ZNF724: variants seen among roughly 807,000 people sequenced by gnomAD.
The protein encoded by ZNF724 is zinc finger protein 724.
Under a neutral mutation model 29.3 loss-of-function variants are expected in ZNF724, and 14 were observed. That is an observed-to-expected ratio of 0.48 (90% CI 0.32 to 0.75). The LOEUF is 0.75. Ranked by LOEUF, ZNF724 falls within the 30% of genes least tolerant of loss-of-function variation. The pLI, the probability that ZNF724 is intolerant of heterozygous loss-of-function variation, is 0.04. For synonymous variants in ZNF724, 180 were observed against 193.6 expected (o/e 0.93, Z 0.58); for missense variants, 557 against 571.2 (o/e 0.98, Z 0.25).
Position 23,231,257 on chromosome 19 carries a change from C to G in ZNF724, c.226+9G>C, listed in dbSNP as rs752911107. 5.3e-6 allele frequency: 7 copies of G among 1,326,734 alleles called. No homozygotes were observed. Among genetic ancestry groups the G allele is most frequent in the Non-Finnish European group, 7.5e-6 (7 of 931,974 alleles). 82.2% of individuals were successfully genotyped at this position (1,326,734 alleles called of 1,614,324 possible). On this transcript the variant is annotated intron_variant, in intron 3 of 3. Coordinates refer to ENST00000418100, the MANE Select transcript of ZNF724 (RefSeq NM_001355404.2). ...ATCTGTGTCATCTGTCATATTCACT[C>G]TCACCTACCTGGGGGTTTGGCCACC...
intron 3 of ZNF724, among the ~76,000 whole-genome samples, chr19:23,226,798 T>A (rs1225932839): frequency 1.3e-5 from 2 of 152,180 alleles, no homozygotes; most frequent in African/African-American, 4.8e-5. Context: ...ATATATAATC[T>A]GATTGTGATA....
At position 23,239,085 on chromosome 19, in the gene ZNF724, C is replaced by T. The variant is rs762406298; in HGVS notation, c.4-6792G>A. 7.8e-4 allele frequency among the ~76,000 whole-genome samples: 116 copies of T among 149,384 alleles called. 7 individuals are homozygous for T. Among genetic ancestry groups the T allele is most frequent in the African/African-American group, 4.4e-4 (18 of 40,530 alleles). On this transcript the variant is annotated intron_variant, in intron 1 of 3. Transcript: ENST00000418100. ...TGCATATGAATAAAGCAAGTTCTTA[C>T]GGAGAGCTATGAAGAGAGTTGGATT... is the stretch of plus-strand genomic sequence containing the variant.
chr19:23,228,748 A>G (rs56324581), intron 3 of ZNF724, among the ~76,000 whole-genome samples: 71,776 of 151,608 alleles, frequency 0.47, 19,043 homozygotes, highest in East Asian at 0.68. Flanking sequence ...AAAATACAAA[A>G]ATTAGCCAGG....
intron 1 of ZNF724, among the ~76,000 whole-genome samples, chr19:23,239,570 G>A (rs987488124): frequency 6.6e-6 from 1 of 152,122 alleles, no homozygotes; most frequent in African/African-American, 2.4e-5. Context: ...CACAGCCAAG[G>A]CAGTGTTAAG....
intron 1 of ZNF724, among the ~76,000 whole-genome samples, chr19:23,249,773 AT>A: frequency 6.6e-6 from 1 of 152,240 alleles, no homozygotes; most frequent in South Asian, 2.1e-4. Context: ...GCCTCGGGTG[AT>A]CCGCCCGCCT....
chr19:23,224,505 C>G (rs1389574502), intron 3 of ZNF724, among the ~76,000 whole-genome samples: 2 of 152,050 alleles, frequency 1.3e-5, no homozygotes, highest in Non-Finnish European at 2.9e-5. Flanking sequence ...AATACACAGA[C>G]CAAAATACAT....
intron 2 of ZNF724, among the ~76,000 whole-genome samples, chr19:23,231,686 C>T (rs1284276094): frequency 6.6e-6 from 1 of 151,848 alleles, no homozygotes; most frequent in African/African-American, 2.4e-5. Flanking sequence ...CACAATGAAA[C>T]ATCTTGAATT....
chr19:23,232,271 A>G lies in ZNF724; in HGVS notation c.26T>C (p.Val9Ala). The G allele has an allele frequency of 2.4e-6, 3 of 1,257,818 alleles. No homozygotes were observed. Among genetic ancestry groups the G allele is most frequent in the Non-Finnish European group, 3.5e-6 (3 of 855,996 alleles). The allele number at this position is 1,257,818 out of a possible 1,614,324, so 77.9% of individuals were successfully genotyped here. ...CTCCTCCACAGAGAATTCTATGGCC[A>G]CATCCATAAATGTCAATGGTCCCTG... MGPLTFMD[V>A]AIEFSVEEWQ... The change falls in exon 2 of 4, where the codon GTG becomes GCG. Residue 9 changes from valine to alanine, a missense_variant. Coordinates refer to ENST00000418100, the MANE Select transcript of ZNF724 (RefSeq NM_001355404.2).
At chr19:23,228,378 C>T (rs2362802) in intron 3 of ZNF724, among the ~76,000 whole-genome samples, 71,582 of 150,738 alleles carry the variant, frequency 0.47, 18,969 homozygotes, top group East Asian at 0.68. Flanking sequence ...CGAACCCAGC[C>T]GGGAGGCAGA....
rs1282977857 is a variant in ZNF724, at chr19:23,223,007, TTA to T, written c.1236_1237del (p.His412GlnfsTer13). ...GGGTTTCTCTCCGGTATGAATTCTT[TTA>T]TGTGTGGTGAGGTGTGAGGATGTGT... On this transcript the variant is annotated frameshift_variant, in exon 4 of 4. Transcript: ENST00000418100. LOFTEE classifies it high-confidence loss of function. 3 of 1,354,382 alleles carry T rather than the reference TTA, an allele frequency of 2.2e-6. No homozygotes were observed. Among genetic ancestry groups the T allele is most frequent in the South Asian group, 2.3e-5 (2 of 85,578 alleles). The allele number at this position is 1,354,382 out of a possible 1,614,324, so 83.9% of individuals were successfully genotyped here.
Position 23,231,447 on chromosome 19 carries a change from CTAAAT to C in ZNF724, c.131-91_131-87del, listed in dbSNP as rs532841957. ...TAAAAAGGGTGTAATTAATAGAATA[CTAAAT>C]TAATTACAAAATACAAATTTAAAAC... On this transcript the variant is annotated intron_variant, in intron 2 of 3. Coordinates refer to ENST00000418100, the MANE Select transcript of ZNF724 (RefSeq NM_001355404.2). 6.8e-5 allele frequency: 62 copies of C among 916,346 alleles called. No homozygotes were observed. In the African/African-American group the frequency reaches 7.5e-4, roughly 11 times the overall value. 56.8% of individuals were successfully genotyped at this position (916,346 alleles called of 1,614,324 possible).
In ZNF724 at chr19:23,223,646, A is replaced by G. The variant is rs1211196796; in HGVS notation, c.599T>C (p.Leu200Pro). The change falls in exon 4 of 4, where the codon CTT (leucine) becomes CCT (proline). Residue 200 changes from leucine to proline, a missense_variant. This residue lies in a region of ZNF724 where 362 missense variants were observed against 295.5 expected (regional missense o/e 1.22). Transcript: ENST00000418100. ...ATTAAAGGCCTTGCCACATTCTTCAAGTTTGTAGGAATTGACAGTAGTGTG... is the reference window on the plus strand; with the variant it reads ...ATTAAAGGCCTTGCCACATTCTTCAGGTTTGTAGGAATTGACAGTAGTGTG... The part of the protein sequence containing the change: ...RIHTTVNSYK[L>P]EECGKAFNVS... 1.4e-6 allele frequency: 1 copy of G among 714,440 alleles called. No homozygotes were observed. Among genetic ancestry groups the G allele is most frequent in the African/African-American group, 1.7e-5 (1 of 57,236 alleles). 44.3% of individuals were successfully genotyped at this position (714,440 alleles called of 1,614,324 possible). A position where few individuals can be genotyped will look rare whatever the true frequency, so the allele number is the denominator to read the frequency against.
chr19:23,230,564 A>G (rs906027618), intron 3 of ZNF724, among the ~76,000 whole-genome samples: 5 of 152,176 alleles, frequency 3.3e-5, no homozygotes, highest in Non-Finnish European at 7.4e-5. Context: ...CTACTCTCAC[A>G]TATTTCAGAC....
chr19:23,249,911 C>T (rs927088463), intron 1 of ZNF724, among the ~76,000 whole-genome samples: 1 of 152,150 alleles, frequency 6.6e-6, no homozygotes, highest in Non-Finnish European at 1.5e-5. Context: ...TGAACCCGCT[C>T]CCCGAGTCAG....
At chr19:23,245,613 CAAA>C (rs879269701) in intron 1 of ZNF724, among the ~76,000 whole-genome samples, 2 of 137,916 alleles carry the variant, frequency 1.5e-5, no homozygotes, top group Non-Finnish European at 1.6e-5. Context: ...GACTCCATCT[CAAA>C]AAAAAAAAAA....
chr19:23,237,473 A>T (rs1289578148), intron 1 of ZNF724, among the ~76,000 whole-genome samples: 1 of 152,158 alleles, frequency 6.6e-6, no homozygotes, highest in Non-Finnish European at 1.5e-5. Flanking sequence ...GTAATAATGT[A>T]GAATTTTAAA....
chr19:23,237,717 T>TAAAAAAAAAAA (rs56110527), intron 1 of ZNF724, among the ~76,000 whole-genome samples: 1 of 132,592 alleles, frequency 7.5e-6, no homozygotes. Context: ...GAACCCGTCT[T>TAAAAAAAAAAA]AAAAAAAAAA....
intron 3 of ZNF724, among the ~76,000 whole-genome samples, chr19:23,227,816 T>C (rs1169706267): frequency 1.3e-5 from 2 of 150,452 alleles, no homozygotes; most frequent in African/African-American, 4.9e-5. Context: ...ACTTCAGGCA[T>C]AACATTTAAA....
chr19:23,248,530 G>A (rs1445082899), intron 1 of ZNF724, among the ~76,000 whole-genome samples: 1 of 151,324 alleles, frequency 6.6e-6, no homozygotes, highest in African/African-American at 2.4e-5. Context: ...AGTCTGAGGT[G>A]GAAATCTAGG....
Sources: gnomAD v4.1 joint callset for allele counts (sites outside exome capture counted in the v4.1 genomes callset) on GRCh38, gnomAD v4.1.1 for gene constraint, gnomAD v4.1.1 regional missense constraint, MANE v1.5 for transcripts, NCBI Gene and HGNC (gene_info 2026-07-23, HGNC 2026-07-21) for gene names.